Variants in ZNF638 observed in about 807,000 individuals in gnomAD.
The protein encoded by ZNF638 is CTCL tumor antigen se33-1.
A neutral mutation model predicts 195.6 loss-of-function variants in ZNF638; 46 were observed. The observed-to-expected ratio is 0.24, with a 90% confidence interval of 0.19 to 0.30. The LOEUF (loss-of-function observed/expected upper bound fraction) is 0.30. Ranked by LOEUF, ZNF638 falls within the 10% of genes least tolerant of loss-of-function variation. ZNF638 has a pLI of 1.00. For synonymous variants in ZNF638, 845 were observed against 772.0 expected, an observed-to-expected ratio of 1.09 and a Z score of -1.57; for missense variants, 2,440 against 2,325.3, an observed-to-expected ratio of 1.05 and a Z score of -1.01.
intron 3 of ZNF638, chr2:71,361,606 G>A (rs2079110491): frequency 6.6e-6 from 1 of 152,180 alleles, no homozygotes; most frequent in Non-Finnish European, 1.5e-5. Flanking sequence ...ACTAGATGAT[G>A]GGTATGTTGG....
intron 1 of ZNF638, among the ~76,000 whole-genome samples, chr2:71,342,667 G>C (rs1198223314): frequency 1.5e-5 from 2 of 130,796 alleles, no homozygotes; most frequent in African/African-American, 5.1e-5. Flanking sequence ...GTTAGAAATG[G>C]AGATTTTTGT....
At position 71,380,217 on chromosome 2, in the gene ZNF638, C is replaced by T. The variant is rs200929352; in HGVS notation, c.2266-5C>T. 1.3e-4 allele frequency: 191 copies of T among 1,519,242 alleles called. No individual in the cohort carries two copies. The African/African-American group carries it at 2.3e-3, about 18-fold the overall frequency. The allele number at this position is 1,519,242 out of a possible 1,614,324, so 94.1% of individuals were successfully genotyped here. On this transcript the variant is annotated splice_polypyrimidine_tract_variant and splice_region_variant and intron_variant, in intron 8 of 27. Coordinates refer to ENST00000264447, the MANE Select transcript of ZNF638 (RefSeq NM_014497.5). The stretch of plus-strand genomic sequence containing the variant: ...TCTTTTGTTCAAAATATTTTTCCTA[C>T]GTAGAACAAAGAGGTGAAGAAAAAG...
chr2:71,391,188 G>A (rs573193678), intron 10 of ZNF638, among the ~76,000 whole-genome samples: 10 of 152,332 alleles, frequency 6.6e-5, no homozygotes, highest in African/African-American at 2.4e-4. Flanking sequence ...CGGGCTATCA[G>A]TGGCAGTTTG....
chr2:71,433,560 C>T (rs1243402795), intron 27 of ZNF638: 2 of 290,144 alleles, frequency 6.9e-6, no homozygotes, highest in Non-Finnish European at 1.3e-5. Flanking sequence ...GTTTTGATGC[C>T]CTCTTGTCAT....
chr2:71,431,459 C>G, intron 26 of ZNF638, 31 bp downstream of exon 26: 1 of 1,602,602 alleles, frequency 6.2e-7, no homozygotes, highest in Non-Finnish European at 8.5e-7. Flanking sequence ...TTTTCTTACC[C>G]ATATGAAATT....
At chr2:71,364,274 A>T in intron 5 of ZNF638, 22 bp downstream of exon 5, 1 of 1,590,338 alleles carries the variant, frequency 6.3e-7, no homozygotes, top group Admixed American at 1.8e-5. Context: ...GCCATGAAAT[A>T]GTGAATGTAC....
At chr2:71,403,831 A>G (rs2080052743) in intron 16 of ZNF638, 39 bp from the exon 17 acceptor site, 1 of 1,436,698 alleles carries the variant, frequency 7.0e-7, no homozygotes, top group Non-Finnish European at 9.4e-7. Context: ...AAAAAGTAAC[A>G]TAAGATTTTT....
Position 71,431,416 on chromosome 2 carries a change from G to T in ZNF638, c.5740G>T (p.Asp1914Tyr), listed in dbSNP as rs1176720461. ...DSSSGKSVAS[D>Y]VPEELDFLVP... ...TTCTTCAGGCAAATCAGTGGCGTCTGATGTCCCTGAGGGTAAAGTTAAAAT... is the reference window on the plus strand; with the variant it reads ...TTCTTCAGGCAAATCAGTGGCGTCTTATGTCCCTGAGGGTAAAGTTAAAAT... The change falls in exon 26 of 28, where the codon GAT becomes TAT. Residue 1914 changes from aspartate (D) to tyrosine (Y), a missense_variant. Asp to Tyr is a radical substitution (Grantham distance 160, BLOSUM62 -3). Around this residue, in one of 5 missense-constraint regions of ZNF638, gnomAD observed 1,883 missense variants for 1,739.1 expected, o/e 1.08. Transcript: ENST00000264447. 1 of 1,613,632 alleles carries T rather than the reference G, an allele frequency of 6.2e-7. No individual in the cohort carries two copies. The highest frequency in any genetic ancestry group is 1.3e-5 in the African/African-American group (1 of 74,912).
rs2104173475 is a variant in ZNF638, at chr2:71,349,168, C to G, written c.214C>G (p.Gln72Glu). 2 of 1,614,154 alleles carry G rather than the reference C, an allele frequency of 1.2e-6. No homozygotes were observed. The highest frequency in any genetic ancestry group is 1.7e-6 in the Non-Finnish European group (2 of 1,180,024). The part of the protein sequence containing the change: ...QNMGPQRMNV[Q>E]VTQHRTDPRL... ...CATGGGGCCACAGAGAATGAATGTTCAGGTAACTCAACACAGAACTGATCC... is the reference window on the plus strand; with the variant it reads ...CATGGGGCCACAGAGAATGAATGTTGAGGTAACTCAACACAGAACTGATCC... The change falls in exon 2 of 28, where the codon CAG (glutamine) becomes GAG (glutamate). Residue 72 changes from glutamine (Q) to glutamate (E), a missense_variant. Around this residue, in one of 5 missense-constraint regions of ZNF638, gnomAD observed 191 missense variants for 173.8 expected, o/e 1.10. Coordinates refer to ENST00000264447, the MANE Select transcript of ZNF638 (RefSeq NM_014497.5).
chr2:71,418,723 A>G (rs1379253366), intron 21 of ZNF638, 84 bp downstream of exon 21: 3 of 984,382 alleles, frequency 3.0e-6, no homozygotes, highest in Non-Finnish European at 4.3e-6. Flanking sequence ...AATGGCTCAC[A>G]TGTAGTGAAA....
At chr2:71,395,412 T>C in intron 10 of ZNF638, 1 of 655,958 alleles carries the variant, frequency 1.5e-6, no homozygotes. Context: ...GCAAACCTTC[T>C]TGGAAGTCCA....
At position 71,389,945 on chromosome 2, in the gene ZNF638, AAC is replaced by A. The variant is rs563169503; in HGVS notation, c.2378-6190_2378-6189del. Among the ~76,000 whole-genome samples the A allele has an allele frequency of 3.3e-5, 5 of 152,320 alleles. No individual in the cohort carries two copies. The East Asian group carries it at 9.6e-4, about 29-fold the overall frequency. On this transcript the variant is annotated intron_variant, in intron 10 of 27. Transcript: ENST00000264447. ...GAGCACGTCAACTGGTGGGGACTGA[AAC>A]ACACAAAGCCAAAATATTGGCCATG...
At chr2:71,395,782 C>G (rs2079880786) in intron 10 of ZNF638, 1 of 391,978 alleles carries the variant, frequency 2.6e-6, no homozygotes, top group South Asian at 2.5e-5. Context: ...TTTTTTCATC[C>G]GTCGCTCAGC....
chr2:71,352,325 A>G (rs1307962310), intron 2 of ZNF638, among the ~76,000 whole-genome samples: 4 of 151,966 alleles, frequency 2.6e-5, no homozygotes, highest in Non-Finnish European at 4.4e-5. Flanking sequence ...TAAAAATACA[A>G]GAATTAGCCG....
At chr2:71,432,704 T>C (rs1329171704) in intron 26 of ZNF638, among the ~76,000 whole-genome samples, 3 of 152,262 alleles carry the variant, frequency 2.0e-5, no homozygotes, top group Non-Finnish European at 2.9e-5. Context: ...GTTTTCTGAT[T>C]AAAATTACTA....
chr2:71,336,695 C>G lies in ZNF638; in HGVS notation c.-203+4820C>G, dbSNP rs111742393. Among the ~76,000 whole-genome samples, 345 of 152,006 alleles carry G rather than the reference C, an allele frequency of 2.3e-3. 3 individuals carry two copies. Among genetic ancestry groups the G allele is most frequent in the African/African-American group, 7.6e-3 (315 of 41,404 alleles). On this transcript the variant is annotated intron_variant, in intron 1 of 27. Transcript: ENST00000264447. Reference sequence around the variant, plus strand: ...CAGGCTTGGATTAACCAGCTTGCTCCGGGTAACATTGTTAGCAAGCAGTGG... The same window carrying G: ...CAGGCTTGGATTAACCAGCTTGCTCGGGGTAACATTGTTAGCAAGCAGTGG...
chr2:71,396,292 G>C, intron 11 of ZNF638, 101 bp downstream of exon 11: 1 of 878,204 alleles, frequency 1.1e-6, no homozygotes. Context: ...GACATAGTCT[G>C]TATTGAATGC....
At chr2:71,424,527 T>A in intron 22 of ZNF638, 123 bp from the exon 23 acceptor site, 1 of 719,726 alleles carries the variant, frequency 1.4e-6, no homozygotes, top group Non-Finnish European at 2.3e-6. Flanking sequence ...GTTAAATAAT[T>A]TGCATAATTG....
chr2:71,343,603 T>G (rs942794165), intron 1 of ZNF638, among the ~76,000 whole-genome samples: 2 of 152,160 alleles, frequency 1.3e-5, no homozygotes, highest in Admixed American at 6.5e-5. Flanking sequence ...AGCTAAAAAT[T>G]AAATGGAATA....
Sources: allele counts gnomAD v4.1 joint callset (sites outside exome capture counted in the v4.1 genomes callset), GRCh38; gene constraint gnomAD v4.1.1; regional missense constraint gnomAD v4.1.1; transcripts MANE v1.5; gene names NCBI Gene and HGNC (gene_info 2026-07-23, HGNC 2026-07-21).